Variants in GPC5 observed in about 807,000 individuals in gnomAD.
GPC5 encodes glypican 5.
Under a neutral mutation model 53.9 loss-of-function variants are expected in GPC5, and 47 were observed. That is an observed-to-expected ratio of 0.87 (90% CI 0.69 to 1.11). GPC5 has a LOEUF of 1.11. GPC5 is among the 50% of genes most tolerant of loss of function. The pLI is 0.00. For synonymous variants in GPC5, 286 were observed against 263.3 expected, an observed-to-expected ratio of 1.09 and a Z score of -0.84; for missense variants, 748 against 713.1, an observed-to-expected ratio of 1.05 and a Z score of -0.56.
chr13:92,200,444 C>T (rs1312304761), intron 7 of GPC5, among the ~76,000 whole-genome samples: 1 of 152,106 alleles, frequency 6.6e-6, no homozygotes, highest in African/African-American at 2.4e-5. Context: ...ACATTCAACT[C>T]GAATGTACTT....
chr13:92,444,233 T>TA (rs1339669419), intron 7 of GPC5, among the ~76,000 whole-genome samples: 1 of 152,164 alleles, frequency 6.6e-6, no homozygotes, highest in Non-Finnish European at 1.5e-5. Flanking sequence ...AAGAGGGATA[T>TA]TAGTTCAATA....
chr13:91,915,131 G>T (rs2039646157), intron 6 of GPC5, among the ~76,000 whole-genome samples: 1 of 152,124 alleles, frequency 6.6e-6, no homozygotes, highest in African/African-American at 2.4e-5. Flanking sequence ...ATATTCCAGA[G>T]AAACGAACAG....
intron 7 of GPC5, among the ~76,000 whole-genome samples, chr13:92,457,942 T>C (rs1035403072): frequency 6.6e-6 from 1 of 152,164 alleles, no homozygotes; most frequent in Non-Finnish European, 1.5e-5. Context: ...TGTCCTGCGT[T>C]GTACCTACAC....
intron 6 of GPC5, among the ~76,000 whole-genome samples, chr13:91,972,702 A>G (rs889021242): frequency 3.3e-5 from 5 of 152,090 alleles, no homozygotes; most frequent in African/African-American, 9.7e-5. Context: ...TCTGTAAAGT[A>G]TTTTATTTCT....
At chr13:92,212,135 C>A (rs190020921) in intron 7 of GPC5, among the ~76,000 whole-genome samples, 1 of 151,216 alleles carries the variant, frequency 6.6e-6, no homozygotes, top group East Asian at 2.0e-4. Flanking sequence ...GATGAGATGG[C>A]CAGAAAATCT....
At chr13:92,694,867 C>T (rs1441257857) in intron 7 of GPC5, among the ~76,000 whole-genome samples, 5 of 152,156 alleles carry the variant, frequency 3.3e-5, no homozygotes, top group Non-Finnish European at 5.9e-5. Flanking sequence ...CACTCAAATT[C>T]CATCTCCTAC....
At chr13:91,991,358 T>G (rs939202807) in intron 6 of GPC5, among the ~76,000 whole-genome samples, 1 of 152,342 alleles carries the variant, frequency 6.6e-6, no homozygotes, top group Non-Finnish European at 1.5e-5. Flanking sequence ...CTGTTTTATT[T>G]ATCTTTGTAT....
intron 7 of GPC5, among the ~76,000 whole-genome samples, chr13:92,754,959 T>C (rs1471683842): frequency 6.6e-6 from 1 of 151,932 alleles, no homozygotes; most frequent in Non-Finnish European, 1.5e-5. Context: ...GGAATTGAAC[T>C]CAGCTCTGCA....
chr13:91,895,911 G>C (rs749137970), intron 5 of GPC5, among the ~76,000 whole-genome samples: 1 of 152,028 alleles, frequency 6.6e-6, no homozygotes, highest in Non-Finnish European at 1.5e-5. Flanking sequence ...GGTTCTAGGA[G>C]ATAATCTATT....
chr13:91,629,831 A>C (rs2034110291), intron 2 of GPC5, among the ~76,000 whole-genome samples: 1 of 152,128 alleles, frequency 6.6e-6, no homozygotes, highest in Non-Finnish European at 1.5e-5. Context: ...TCATGCAAAA[A>C]TGACTTTAAA....
chr13:92,489,322 A>G (rs953473227), intron 7 of GPC5, among the ~76,000 whole-genome samples: 1 of 152,208 alleles, frequency 6.6e-6, no homozygotes, highest in African/African-American at 2.4e-5. Context: ...TGCTAGAGAT[A>G]CATCTTGTGA....
intron 7 of GPC5, among the ~76,000 whole-genome samples, chr13:92,242,350 C>T (rs1194727224): frequency 6.6e-6 from 1 of 151,934 alleles, no homozygotes; most frequent in African/African-American, 2.4e-5. Flanking sequence ...TTTAAATGAC[C>T]ATAGTATCAG....
At chr13:92,838,511 A>G (rs1252202730) in intron 7 of GPC5, among the ~76,000 whole-genome samples, 1 of 151,792 alleles carries the variant, frequency 6.6e-6, no homozygotes, top group African/African-American at 2.4e-5. Context: ...AAAAAAAAGA[A>G]AGTAAACCTA....
intron 7 of GPC5, among the ~76,000 whole-genome samples, chr13:92,527,199 A>G (rs1594278209): frequency 3.8e-5 from 1 of 26,494 alleles, no homozygotes; most frequent in South Asian, 2.0e-3. Context: ...GAAAGAAAGA[A>G]AGAAAGAAAG....
In GPC5 at chr13:92,060,785, A is replaced by G. The variant is rs964031460; in HGVS notation, c.1402-84045A>G. 7.4e-4 allele frequency among the ~76,000 whole-genome samples: 8 copies of G among 10,788 alleles called. 1 individual carries two copies. In the East Asian group the frequency reaches 0.5, roughly 674 times the overall value. 7.1% of individuals were successfully genotyped at this position (10,788 alleles called of 152,430 possible). A position where few individuals can be genotyped will look rare whatever the true frequency, so the allele number is the denominator to read the frequency against. On this transcript the variant is annotated intron_variant, in intron 6 of 7. Transcript: ENST00000377067. ...TGTTGTCAATTTTGAAAAAGGAATTACAATTGAGAATAGAAATTATTAAAG... is the reference window on the plus strand; with the variant it reads ...TGTTGTCAATTTTGAAAAAGGAATTGCAATTGAGAATAGAAATTATTAAAG...
At chr13:92,748,125 G>C (rs781535503) in intron 7 of GPC5, among the ~76,000 whole-genome samples, 39 of 151,992 alleles carry the variant, frequency 2.6e-4, no homozygotes, top group Non-Finnish European at 4.9e-4. Flanking sequence ...AAGACTACAA[G>C]AAACAGGTCT....
intron 3 of GPC5, among the ~76,000 whole-genome samples, chr13:91,714,858 C>T (rs1040896019): frequency 3.9e-5 from 6 of 152,114 alleles, no homozygotes; most frequent in Non-Finnish European, 8.8e-5. Context: ...GGTCAACCCA[C>T]GGTAGAAGAA....
chr13:91,558,599 C>T (rs1220428361), intron 2 of GPC5, among the ~76,000 whole-genome samples: 4 of 152,120 alleles, frequency 2.6e-5, no homozygotes, highest in Admixed American at 6.5e-5. Context: ...GTATGTGGGA[C>T]ATCCAGTGAC....
chr13:91,914,464 G>A lies in GPC5; in HGVS notation c.1401+6407G>A, dbSNP rs182497117. On this transcript the variant is annotated intron_variant, in intron 6 of 7. Coordinates refer to ENST00000377067, the MANE Select transcript of GPC5 (RefSeq NM_004466.6). Reference sequence around the variant, plus strand: ...AAACTTCTTTTCAAAATGTCTTCATGTGTAATATAAATTTCATTTTTAGAT... The same window carrying A: ...AAACTTCTTTTCAAAATGTCTTCATATGTAATATAAATTTCATTTTTAGAT... 1.5e-3 allele frequency among the ~76,000 whole-genome samples: 230 copies of A among 152,030 alleles called. 1 individual carries two copies. The Middle Eastern group carries it at 0.051, about 34-fold the overall frequency.
Sources: gnomAD v4.1 joint callset for allele counts (sites outside exome capture counted in the v4.1 genomes callset) on GRCh38, gnomAD v4.1.1 for gene constraint, MANE v1.5 for transcripts, NCBI Gene and HGNC (gene_info 2026-07-23, HGNC 2026-07-21) for gene names.